TENM2: variants seen among roughly 807,000 people sequenced by gnomAD.
The protein encoded by TENM2 is teneurin-2.
A neutral mutation model predicts 245.2 loss-of-function variants in TENM2; 52 were observed. That is an observed-to-expected ratio of 0.21 (90% CI 0.17 to 0.27). The LOEUF is 0.27. TENM2 is among the 10% of genes least tolerant of loss of function. The pLI is 1.00. For missense variants in TENM2, 3,046 were observed against 3,666.8 expected, an observed-to-expected ratio of 0.83 and a Z score of 4.37; for synonymous variants, 1,363 against 1,438.9, an observed-to-expected ratio of 0.95 and a Z score of 1.19.
At chr5:167,110,550 G>T in the TENM2 span, among the ~76,000 whole-genome samples, 1 of 152,150 alleles carries the variant, frequency 6.6e-6, no homozygotes, top group Non-Finnish European at 1.5e-5. Flanking sequence ...CATATTGTAG[G>T]CATTTAGCAT....
chr5:168,100,625 A>G (rs957404926), intron 9 of TENM2, among the ~76,000 whole-genome samples: 5 of 152,158 alleles, frequency 3.3e-5, no homozygotes, highest in African/African-American at 9.7e-5. Flanking sequence ...TCAACAAACT[A>G]ACACAGGAAC....
chr5:167,542,677 G>T lies in TENM2; in HGVS notation c.502+167204G>T, dbSNP rs188512669. Among the ~76,000 whole-genome samples, 12 of 152,162 alleles carry T rather than the reference G, an allele frequency of 7.9e-5. No homozygotes were observed. The East Asian group carries it at 1.5e-3, about 20-fold the overall frequency. ...TAAAGGCATCTCTCATGAAGTTTTT[G>T]TTGTTTTTCCCCCAAACAAGAACTT... On this transcript the variant is annotated intron_variant, in intron 2 of 28. Coordinates refer to ENST00000518659, the Ensembl canonical transcript of TENM2.
the TENM2 span, among the ~76,000 whole-genome samples, chr5:167,071,172 A>T: frequency 6.6e-6 from 1 of 152,148 alleles, no homozygotes; most frequent in Admixed American, 6.5e-5. Flanking sequence ...GTAATTTTTT[A>T]AAAAATTCAA....
At chr5:167,360,591 T>C (rs1759653671) in intron 1 of TENM2, among the ~76,000 whole-genome samples, 1 of 152,198 alleles carries the variant, frequency 6.6e-6, no homozygotes, top group African/African-American at 2.4e-5. Context: ...TAAGAATGAA[T>C]ATTCATTACA....
intron 6 of TENM2, among the ~76,000 whole-genome samples, chr5:168,058,063 A>G (rs1789711158): frequency 6.6e-6 from 1 of 152,182 alleles, no homozygotes; most frequent in Non-Finnish European, 1.5e-5. Context: ...GTGGTTACCT[A>G]ATGCGCCTCA....
intron 2 of TENM2, among the ~76,000 whole-genome samples, chr5:167,702,891 C>T (rs1032605349): frequency 3.3e-5 from 5 of 151,992 alleles, no homozygotes; most frequent in African/African-American, 1.2e-4. Context: ...TCTCAAACTC[C>T]TGACCCCATG....
the TENM2 span, among the ~76,000 whole-genome samples, chr5:166,987,003 C>A: frequency 6.6e-6 from 1 of 152,134 alleles, no homozygotes; most frequent in East Asian, 1.9e-4. Flanking sequence ...CAGCAGGATT[C>A]ATTGCAGAAG....
intron 4 of TENM2, among the ~76,000 whole-genome samples, chr5:167,956,060 G>A (rs983344383): frequency 6.6e-6 from 1 of 152,136 alleles, no homozygotes; most frequent in Non-Finnish European, 1.5e-5. Context: ...ATTACTTTGG[G>A]CAGTGTGGCT....
chr5:168,215,180 T>C, exon 21 of TENM2: 1 of 1,613,802 alleles, frequency 6.2e-7, no homozygotes, highest in African/African-American at 1.3e-5. Context: ...TCGGAAGTTG[T>C]GGCAGGGACG....
chr5:167,462,187 C>CA (rs1554159723), intron 2 of TENM2, among the ~76,000 whole-genome samples: 1 of 128,200 alleles, frequency 7.8e-6, no homozygotes, highest in African/African-American at 2.9e-5. Context: ...CCCCACCCCC[C>CA]CCCCCCATTG....
chr5:167,014,024 C>T, the TENM2 span, among the ~76,000 whole-genome samples: 1 of 151,886 alleles, frequency 6.6e-6, no homozygotes, highest in South Asian at 2.1e-4. Context: ...TTGTCATCAC[C>T]TAAATGAATC....
chr5:167,042,243 A>G, the TENM2 span, among the ~76,000 whole-genome samples: 2 of 152,224 alleles, frequency 1.3e-5, no homozygotes, highest in African/African-American at 4.8e-5. Context: ...AACTTCAAAC[A>G]CATTTCATTT....
At chr5:167,439,083 C>T (rs1435055940) in intron 2 of TENM2, among the ~76,000 whole-genome samples, 5 of 152,174 alleles carry the variant, frequency 3.3e-5, no homozygotes, top group South Asian at 2.1e-4. Context: ...CATGAGCCGC[C>T]GCACCGGGCC....
intron 2 of TENM2, among the ~76,000 whole-genome samples, chr5:167,662,354 A>G (rs1755269146): frequency 6.6e-6 from 1 of 152,132 alleles, no homozygotes; most frequent in African/African-American, 2.4e-5. Context: ...ATCTTGGTTT[A>G]TGTGTGTTGT....
At chr5:168,211,709 T>G (rs1275096881) in intron 19 of TENM2, 25 bp from the exon 22 acceptor site, 1 of 1,280,310 alleles carries the variant, frequency 7.8e-7, no homozygotes, top group Admixed American at 2.4e-5. Flanking sequence ...TGTTCTTTTT[T>G]CCTTTCTGTT....
At chr5:167,039,406 G>C in the TENM2 span, among the ~76,000 whole-genome samples, 3 of 152,146 alleles carry the variant, frequency 2.0e-5, no homozygotes, top group Non-Finnish European at 4.4e-5. Flanking sequence ...GGGTGTCCTC[G>C]AAGGCGCACT....
intron 13 of TENM2, among the ~76,000 whole-genome samples, chr5:168,189,506 G>A (rs187384683): frequency 5.9e-5 from 9 of 152,302 alleles, no homozygotes; most frequent in Non-Finnish European, 1.0e-4. Context: ...CAGGACTCTA[G>A]GCAAGTGCAT....
At chr5:166,995,627 C>T in the TENM2 span, among the ~76,000 whole-genome samples, 1 of 151,492 alleles carries the variant, frequency 6.6e-6, no homozygotes, top group African/African-American at 2.4e-5. Flanking sequence ...ACCAGCCTGG[C>T]CAACATGGTG....
At chr5:167,596,378 C>G (rs73382905) in intron 2 of TENM2, among the ~76,000 whole-genome samples, 4,986 of 152,222 alleles carry the variant, frequency 0.033, 287 homozygotes, top group African/African-American at 0.11. Context: ...ACTGTCCCCC[C>G]CAAGGACCTC....
Sources: allele counts gnomAD v4.1 joint callset (sites outside exome capture counted in the v4.1 genomes callset), GRCh38; gene constraint gnomAD v4.1.1; transcripts MANE v1.5; gene names NCBI Gene and HGNC (gene_info 2026-07-23, HGNC 2026-07-21).